TPR: variants seen among roughly 807,000 people sequenced by gnomAD.
TPR encodes nucleoprotein TPR.
In TPR, 51 loss-of-function variants were observed where a neutral mutation model predicts 316.1. The observed-to-expected ratio is 0.16, with a 90% CI of 0.13 to 0.20. TPR has a LOEUF of 0.20. Among genes scored for constraint, TPR ranks in the 10% least tolerant of loss-of-function variants. The pLI, the probability that TPR is intolerant of heterozygous loss-of-function variation, is 1.00. For synonymous variants in TPR, 981 were observed against 914.7 expected, an observed-to-expected ratio of 1.07 and a Z score of -1.31; for missense variants, 2,272 against 2,754.8, an observed-to-expected ratio of 0.82 and a Z score of 3.92.
chr1:186,369,294 T>C, intron 3 of TPR, among the ~76,000 whole-genome samples: 1 of 152,192 alleles, frequency 6.6e-6, no homozygotes, highest in Non-Finnish European at 1.5e-5. Context: ...CTGCGAAGAA[T>C]GCCTTTGGAA....
chr1:186,346,010 T>A (rs1436843759), intron 23 of TPR, 125 bp downstream of exon 23: 2 of 1,098,520 alleles, frequency 1.8e-6, no homozygotes, highest in Non-Finnish European at 2.5e-6. Context: ...AACATAAAAC[T>A]AAAATTTTGC....
intron 44 of TPR, 21 bp from the exon 45 acceptor site, chr1:186,322,433 T>A (rs1657799389): frequency 3.1e-6 from 5 of 1,611,762 alleles, no homozygotes; most frequent in Non-Finnish European, 4.2e-6. Context: ...GAAAACAGAG[T>A]TAACAAACAA....
chr1:186,364,163 G>A (rs998306781), intron 4 of TPR, among the ~76,000 whole-genome samples: 21 of 152,146 alleles, frequency 1.4e-4, no homozygotes, highest in Non-Finnish European at 1.5e-4. Context: ...TTGCATATTT[G>A]TCATTGTGTT....
At chr1:186,350,448 C>A (rs6667940) in intron 20 of TPR, 60 bp from the exon 21 acceptor site, 218,161 of 1,302,984 alleles carry the variant, frequency 0.17, 19,640 homozygotes, top group African/African-American at 0.29. Flanking sequence ...AAGGTTCAAA[C>A]TATCTTTTTA....
chr1:186,313,044 T>G lies in TPR; in HGVS notation c.*927A>C, dbSNP rs1289545499. 2.4e-6 allele frequency: 2 copies of G among 819,226 alleles called. No homozygotes were observed. Among genetic ancestry groups the G allele is most frequent in the East Asian group, 5.3e-5 (2 of 37,596 alleles). 50.7% of individuals were successfully genotyped at this position (819,226 alleles called of 1,614,324 possible). A position where few individuals can be genotyped will look rare whatever the true frequency, so the allele number is the denominator to read the frequency against. ...TTGCTGTGGAAAAGAGTTAAGACTT[T>G]TGCTTTAATTTCAATTAAAATGATG... On this transcript the variant is annotated 3_prime_UTR_variant, in exon 51 of 51. Transcript: ENST00000367478.
intron 39 of TPR, among the ~76,000 whole-genome samples, chr1:186,329,717 T>C (rs1369311424): frequency 6.6e-6 from 1 of 152,104 alleles, no homozygotes; most frequent in Non-Finnish European, 1.5e-5. Flanking sequence ...TAGTTTAGTG[T>C]TTTCAGTCAA....
intron 40 of TPR, among the ~76,000 whole-genome samples, chr1:186,326,681 A>G (rs1275524493): frequency 1.3e-5 from 2 of 151,716 alleles, no homozygotes; most frequent in African/African-American, 4.8e-5. Context: ...AATACACTTT[A>G]TATATAAAAA....
chr1:186,348,182 A>G (rs1658738465), intron 21 of TPR, among the ~76,000 whole-genome samples: 1 of 152,172 alleles, frequency 6.6e-6, no homozygotes, highest in Admixed American at 6.5e-5. Flanking sequence ...TAGGAGAGAT[A>G]TCGCTAAATT....
chr1:186,340,490 G>A (rs1476629830), intron 29 of TPR, among the ~76,000 whole-genome samples: 1 of 151,622 alleles, frequency 6.6e-6, no homozygotes, highest in Admixed American at 6.6e-5. Flanking sequence ...AGCATGCAGT[G>A]GCATGATCAC....
intron 43 of TPR, chr1:186,322,798 T>A: frequency 3.7e-6 from 2 of 538,756 alleles, no homozygotes; most frequent in Admixed American, 3.1e-5. Context: ...ATAAAAATCA[T>A]TCTATTAACC....
intron 21 of TPR, among the ~76,000 whole-genome samples, chr1:186,348,565 T>G (rs1473492228): frequency 1.3e-5 from 2 of 152,150 alleles, no homozygotes; most frequent in African/African-American, 4.8e-5. Flanking sequence ...TTGCACCTAC[T>G]CTCTGTTCTT....
intron 40 of TPR, among the ~76,000 whole-genome samples, chr1:186,326,548 A>C (rs1395173768): frequency 6.6e-6 from 1 of 152,136 alleles, no homozygotes; most frequent in Non-Finnish European, 1.5e-5. Context: ...GGAGTTGAAG[A>C]AAATGATAAA....
At chr1:186,356,564 T>C (rs1659035109) in intron 14 of TPR, 115 bp from the exon 15 acceptor site, 2 of 1,037,806 alleles carry the variant, frequency 1.9e-6, no homozygotes, top group East Asian at 2.7e-5. Flanking sequence ...TTTTTGTCTC[T>C]CTCATTATTT....
intron 46 of TPR, 130 bp from the exon 47 acceptor site, chr1:186,318,958 C>T: frequency 1.2e-6 from 1 of 839,836 alleles, no homozygotes; most frequent in Non-Finnish European, 1.8e-6. Context: ...TTTAATTATT[C>T]CATCAAGCAA....
intron 3 of TPR, among the ~76,000 whole-genome samples, chr1:186,369,617 T>C (rs540021055): frequency 2.9e-4 from 44 of 152,250 alleles, no homozygotes; most frequent in African/African-American, 9.9e-4. Context: ...ATAAATTCAC[T>C]TATTAGCTCT....
chr1:186,335,150 ATTGT>A lies in TPR; in HGVS notation c.4912-25_4912-22del, dbSNP rs747113695. ...GGGACCTATAAAGAGAAAGCTCTTG[ATTGT>A]TGTTCCTAGCCCACAAGAGTCCACT... is the stretch of plus-strand genomic sequence containing the variant. On this transcript the variant is annotated intron_variant, in intron 34 of 50. Transcript: ENST00000367478. The A allele has an allele frequency of 2.5e-6, 4 of 1,602,328 alleles. No individual in the cohort carries two copies. In the African/African-American group the frequency reaches 5.4e-5, roughly 22 times the overall value.
intron 24 of TPR, among the ~76,000 whole-genome samples, chr1:186,344,803 A>G (rs574879861): frequency 2.0e-5 from 3 of 152,362 alleles, no homozygotes; most frequent in African/African-American, 4.8e-5. Flanking sequence ...ACTTTTTGAT[A>G]TAAGAAGCTA....
rs534888875 is a variant in TPR at position 186,361,987 on chromosome 1, A to G, written c.790-118T>C. ...TAAGAGCTAAATCTAAAACACTCAA[A>G]TTCAAATCAGTCTTCATGACAAAGA... is the stretch of plus-strand genomic sequence containing the variant. On this transcript the variant is annotated intron_variant, in intron 7 of 50. Transcript: ENST00000367478. 18 of 872,292 alleles carry G rather than the reference A, an allele frequency of 2.1e-5. No individual in the cohort carries two copies. The African/African-American group carries it at 3.1e-4, about 15-fold the overall frequency. 54.0% of individuals were successfully genotyped at this position (872,292 alleles called of 1,614,324 possible).
chr1:186,327,107 AAAT>A lies in TPR; in HGVS notation c.5889+350_5889+352del, dbSNP rs1657976336. Among the ~76,000 whole-genome samples, 6 of 9,902 alleles carry A rather than the reference AAAT, an allele frequency of 6.1e-4. 3 individuals carry two copies. The highest frequency in any genetic ancestry group is 2.1e-3 in the African/African-American group (6 of 2,812). The allele number at this position is 9,902 out of a possible 152,430, so 6.5% of individuals were successfully genotyped here. A position where few individuals can be genotyped will look rare whatever the true frequency, so the allele number is the denominator to read the frequency against. Reference sequence around the variant, plus strand: ...TATATAACATATATATTATATATATAAATATATATAAATATATAACATATATAT... The same window carrying A: ...TATATAACATATATATTATATATATAATATATAAATATATAACATATATAT... On this transcript the variant is annotated intron_variant, in intron 40 of 50. Transcript: ENST00000367478.
Sources: allele counts gnomAD v4.1 joint callset (sites outside exome capture counted in the v4.1 genomes callset), GRCh38; gene constraint gnomAD v4.1.1; transcripts MANE v1.5; gene names NCBI Gene and HGNC (gene_info 2026-07-23, HGNC 2026-07-21).